Variants in OCA2 observed in about 807,000 individuals in gnomAD.
The protein encoded by OCA2 is OCA2 melanosomal transmembrane protein, also known as P protein.
Under a neutral mutation model 100.2 loss-of-function variants are expected in OCA2, and 77 were observed. The ratio of observed to expected loss-of-function variants is 0.77; its 90% CI spans 0.64 to 0.93. OCA2 has a LOEUF of 0.93. Among genes scored for constraint, OCA2 ranks in the 40% least tolerant of loss-of-function variants. OCA2 has a pLI of 0.00. For synonymous variants in OCA2, 432 were observed against 439.2 expected, an observed-to-expected ratio of 0.98 and a Z score of 0.21; for missense variants, 1,062 against 1,089.1, an observed-to-expected ratio of 0.98 and a Z score of 0.35.
At chr15:27,759,493 C>T (rs1017371489) in intron 23 of OCA2, among the ~76,000 whole-genome samples, 2 of 151,392 alleles carry the variant, frequency 1.3e-5, no homozygotes, top group African/African-American at 2.4e-5. Flanking sequence ...ATAAACCACA[C>T]AAACAGTAAT....
chr15:28,072,589 C>CAAAAAAAA (rs760224063), intron 2 of OCA2, among the ~76,000 whole-genome samples: 1 of 60,056 alleles, frequency 1.7e-5, no homozygotes, highest in African/African-American at 4.9e-5. Context: ...GATTCCGTCT[C>CAAAAAAAA]AAAAAAAAAA....
chr15:27,874,035 C>CAATG (rs10700337), intron 19 of OCA2, among the ~76,000 whole-genome samples: 2,396 of 152,324 alleles, frequency 0.016, 56 homozygotes, highest in African/African-American at 0.05. Flanking sequence ...GCTGATTCAG[C>CAATG]AATGACCTGA....
intron 23 of OCA2, among the ~76,000 whole-genome samples, chr15:27,787,964 G>A (rs1241549588): frequency 6.6e-6 from 1 of 151,294 alleles, no homozygotes; most frequent in African/African-American, 2.4e-5. Context: ...TTCTTTCTTT[G>A]TGTTTTCTCT....
At chr15:27,804,779 C>T (rs1310499346) in intron 23 of OCA2, among the ~76,000 whole-genome samples, 4 of 152,324 alleles carry the variant, frequency 2.6e-5, no homozygotes, top group Non-Finnish European at 4.4e-5. Context: ...AGACAGCTAC[C>T]CAGCGCCTTG....
intron 14 of OCA2, among the ~76,000 whole-genome samples, chr15:27,971,951 G>GT (rs2040806738): frequency 1.3e-5 from 2 of 152,106 alleles, no homozygotes; most frequent in African/African-American, 4.8e-5. Flanking sequence ...ATAATATGTA[G>GT]TTTTTCATCC....
chr15:27,871,387 A>G (rs1178100564), intron 20 of OCA2, 129 bp from the exon 21 acceptor site: 1 of 732,550 alleles, frequency 1.4e-6, no homozygotes, highest in East Asian at 2.7e-5. Context: ...ACCAAGGCAG[A>G]CATAGGTGTG....
At chr15:27,780,368 G>A (rs1285584815) in intron 23 of OCA2, among the ~76,000 whole-genome samples, 1 of 152,114 alleles carries the variant, frequency 6.6e-6, no homozygotes, top group Non-Finnish European at 1.5e-5. Flanking sequence ...TGGAATATGG[G>A]CCCTGGCTTC....
Position 27,847,822 on chromosome 15 carries a change from C to A in OCA2, c.2339-2770G>T, listed in dbSNP as rs150732882. On this transcript the variant is annotated intron_variant, in intron 22 of 23. Coordinates refer to ENST00000354638, the MANE Select transcript of OCA2 (RefSeq NM_000275.3). Reference sequence around the variant, plus strand: ...ATAGTAGGGAAAGGAAGATGCAAAACCAGCCGGTGTTAGCCGTAGGAAGCA... The same window carrying A: ...ATAGTAGGGAAAGGAAGATGCAAAAACAGCCGGTGTTAGCCGTAGGAAGCA... Among the ~76,000 whole-genome samples, 378 of 152,292 alleles carry A rather than the reference C, an allele frequency of 2.5e-3. 3 individuals are homozygous for A. The highest frequency in any genetic ancestry group is 8.6e-3 in the African/African-American group (356 of 41,562).
chr15:27,919,093 G>A (rs1043224557), intron 19 of OCA2, among the ~76,000 whole-genome samples: 1 of 152,244 alleles, frequency 6.6e-6, no homozygotes, highest in South Asian at 2.1e-4. Context: ...TCTCCTCAAA[G>A]AATCATGATT....
At chr15:27,729,876 T>C in the OCA2 span, among the ~76,000 whole-genome samples, 1 of 152,224 alleles carries the variant, frequency 6.6e-6, no homozygotes, top group Non-Finnish European at 1.5e-5. Context: ...ATAGATGACA[T>C]TGGGGTTCTA....
At chr15:27,919,876 G>C (rs1211781645) in intron 19 of OCA2, among the ~76,000 whole-genome samples, 2 of 152,134 alleles carry the variant, frequency 1.3e-5, no homozygotes, top group African/African-American at 4.8e-5. Flanking sequence ...TGCATGTGTG[G>C]GGGTTGGAGT....
At chr15:27,827,285 A>G (rs1334388380) in intron 23 of OCA2, among the ~76,000 whole-genome samples, 1 of 152,216 alleles carries the variant, frequency 6.6e-6, no homozygotes, top group Non-Finnish European at 1.5e-5. Flanking sequence ...GGAAATCAAC[A>G]TCTGATTTAA....
At chr15:28,020,558 G>T (rs1327943976) in intron 6 of OCA2, among the ~76,000 whole-genome samples, 1 of 152,050 alleles carries the variant, frequency 6.6e-6, no homozygotes, top group Non-Finnish European at 1.5e-5. Context: ...CATGAGGGGG[G>T]CCAGGAACAC....
At position 27,783,403 on chromosome 15, in the gene OCA2, G is replaced by A. The variant is rs138897349; in HGVS notation, c.2433-27931C>T. 6.6e-4 allele frequency among the ~76,000 whole-genome samples: 101 copies of A among 152,230 alleles called. 1 individual carries two copies. Among genetic ancestry groups the A allele is most frequent in the African/African-American group, 2.4e-3 (98 of 41,526 alleles). ...AGGGCTTCCAACCAGAAGGAAGCTCGCAAGAGTATCACTACCAATTTTGTA... is the reference window on the plus strand; with the variant it reads ...AGGGCTTCCAACCAGAAGGAAGCTCACAAGAGTATCACTACCAATTTTGTA... On this transcript the variant is annotated intron_variant, in intron 23 of 23. Coordinates refer to ENST00000354638, the MANE Select transcript of OCA2 (RefSeq NM_000275.3).
intron 7 of OCA2, 46 bp from the exon 8 acceptor site, chr15:28,016,232 A>C (rs754475027): frequency 6.9e-7 from 1 of 1,455,622 alleles, no homozygotes; most frequent in South Asian, 1.1e-5. Context: ...TTCACCTGAG[A>C]CACCATCTGG....
intron 15 of OCA2, among the ~76,000 whole-genome samples, chr15:27,961,913 A>G (rs1475646660): frequency 6.6e-6 from 1 of 152,172 alleles, no homozygotes; most frequent in Non-Finnish European, 1.5e-5. Flanking sequence ...AAACCTGCAC[A>G]TTCTGCACAT....
At chr15:27,946,657 G>A (rs773052375) in intron 18 of OCA2, among the ~76,000 whole-genome samples, 1 of 152,032 alleles carries the variant, frequency 6.6e-6, no homozygotes, top group Non-Finnish European at 1.5e-5. Flanking sequence ...CATTTAATTC[G>A]GCTGAAGTTT....
intron 19 of OCA2, among the ~76,000 whole-genome samples, chr15:27,913,569 G>A (rs2038482567): frequency 6.6e-6 from 1 of 151,864 alleles, no homozygotes; most frequent in Admixed American, 6.6e-5. Flanking sequence ...GAATACTGAA[G>A]AGAGGTTCCC....
chr15:27,773,121 C>A (rs577201084), intron 23 of OCA2, among the ~76,000 whole-genome samples: 2 of 152,004 alleles, frequency 1.3e-5, no homozygotes, highest in Non-Finnish European at 2.9e-5. Flanking sequence ...GTTGTATTAG[C>A]CATTTATTTT....
Sources: gnomAD v4.1 joint callset for allele counts (sites outside exome capture counted in the v4.1 genomes callset) on GRCh38, gnomAD v4.1.1 for gene constraint, MANE v1.5 for transcripts, NCBI Gene and HGNC (gene_info 2026-07-23, HGNC 2026-07-21) for gene names.